Variants in SCAPER observed in about 807,000 individuals in gnomAD.
SCAPER encodes S-phase cyclin A associated protein in the ER.
A neutral mutation model predicts 182.2 loss-of-function variants in SCAPER; 98 were observed. The ratio of observed to expected loss-of-function variants is 0.54; its 90% CI spans 0.46 to 0.64. The LOEUF is 0.64. Among genes scored for constraint, SCAPER ranks in the 30% least tolerant of loss-of-function variants. The pLI is 0.00. For synonymous variants in SCAPER, 605 were observed against 564.6 expected (o/e 1.07, Z -1.01); for missense variants, 1,432 against 1,690.0 (o/e 0.85, Z 2.68).
At chr15:76,463,518 A>G (rs2049351952) in intron 25 of SCAPER, among the ~76,000 whole-genome samples, 1 of 152,154 alleles carries the variant, frequency 6.6e-6, no homozygotes. Flanking sequence ...AGGTTAGTAC[A>G]TCACTTTTCA....
chr15:76,644,975 A>G (rs2054420985), intron 21 of SCAPER, among the ~76,000 whole-genome samples: 1 of 152,048 alleles, frequency 6.6e-6, no homozygotes, highest in South Asian at 2.1e-4. Flanking sequence ...GTATCCACAC[A>G]GTCAACCAAC....
intron 22 of SCAPER, among the ~76,000 whole-genome samples, chr15:76,579,775 G>C (rs2048132829): frequency 6.6e-6 from 1 of 151,942 alleles, no homozygotes; most frequent in Non-Finnish European, 1.5e-5. Context: ...TTGCCTACAA[G>C]AAACAAATTT....
chr15:76,860,904 A>C (rs149633083), intron 3 of SCAPER, among the ~76,000 whole-genome samples: 2 of 152,340 alleles, frequency 1.3e-5, no homozygotes, highest in Non-Finnish European at 2.9e-5. Context: ...TGTAAGGAAC[A>C]GGAGCCAAGT....
At chr15:76,657,854 A>G (rs2055799402) in intron 21 of SCAPER, among the ~76,000 whole-genome samples, 1 of 152,240 alleles carries the variant, frequency 6.6e-6, no homozygotes, top group African/African-American at 2.4e-5. Context: ...GGCTTTCAAT[A>G]AAATTCAACA....
At chr15:76,867,971 A>C (rs555815811) in intron 2 of SCAPER, among the ~76,000 whole-genome samples, 1 of 152,124 alleles carries the variant, frequency 6.6e-6, no homozygotes, top group East Asian at 1.9e-4. Context: ...TCTCTCCCTC[A>C]ATTCCCCACT....
At chr15:76,371,858 T>G (rs58684938) in intron 29 of SCAPER, among the ~76,000 whole-genome samples, 60,335 of 151,350 alleles carry the variant, frequency 0.4, 14,236 homozygotes, top group Middle Eastern at 0.56. Context: ...GCGGAGGTTG[T>G]GGTGAGCCAA....
chr15:76,532,038 A>T (rs191335800), intron 23 of SCAPER, among the ~76,000 whole-genome samples: 1 of 152,308 alleles, frequency 6.6e-6, no homozygotes, highest in East Asian at 1.9e-4. Context: ...AATATTTTAA[A>T]ATAGTAGACT....
At chr15:76,406,561 T>C (rs1327358290) in intron 26 of SCAPER, among the ~76,000 whole-genome samples, 3 of 151,644 alleles carry the variant, frequency 2.0e-5, no homozygotes, top group Non-Finnish European at 2.9e-5. Context: ...GGCAGGAGGA[T>C]TGCTTGAGCC....
chr15:76,722,772 TA>T (rs1354456543), intron 17 of SCAPER, among the ~76,000 whole-genome samples: 1 of 152,202 alleles, frequency 6.6e-6, no homozygotes, highest in Admixed American at 6.5e-5. Context: ...TCGGTGGTGA[TA>T]TCTCCTTTGT....
intron 24 of SCAPER, among the ~76,000 whole-genome samples, chr15:76,480,779 G>A (rs1313428764): frequency 2.6e-5 from 4 of 152,146 alleles, no homozygotes; most frequent in Middle Eastern, 3.4e-3. Flanking sequence ...CACCCAGGCT[G>A]GAGTGCAGTG....
intron 21 of SCAPER, among the ~76,000 whole-genome samples, chr15:76,639,911 T>A (rs1383392226): frequency 6.6e-6 from 1 of 152,194 alleles, no homozygotes; most frequent in East Asian, 1.9e-4. Flanking sequence ...TTGTATTGAC[T>A]CATCCTTTAA....
intron 26 of SCAPER, among the ~76,000 whole-genome samples, chr15:76,428,599 G>A (rs1262664098): frequency 6.6e-6 from 1 of 151,908 alleles, no homozygotes; most frequent in Non-Finnish European, 1.5e-5. Context: ...GTATCCAGAA[G>A]CAGAGAGTAC....
At chr15:76,662,495 T>G (rs2056271046) in intron 21 of SCAPER, among the ~76,000 whole-genome samples, 1 of 152,162 alleles carries the variant, frequency 6.6e-6, no homozygotes, top group African/African-American at 2.4e-5. Flanking sequence ...ATTTGAAGAC[T>G]TTCTACAAAG....
At position 76,701,981 on chromosome 15, in the gene SCAPER, TA is replaced by T. The variant is rs544790581; in HGVS notation, c.2401-117del. 102 of 594,470 alleles carry T rather than the reference TA, an allele frequency of 1.7e-4. No individual in the cohort carries two copies. The South Asian group carries it at 2.5e-3, about 14-fold the overall frequency. The allele number at this position is 594,470 out of a possible 1,614,324, so 36.8% of individuals were successfully genotyped here. On this transcript the variant is annotated intron_variant, in intron 19 of 31. Transcript: ENST00000563290. ...TGAGATCCACCTAGTATTTACATATTAGTCTTAAAAATAGTTTCCTCAGAAC... is the reference window on the plus strand; with the variant it reads ...TGAGATCCACCTAGTATTTACATATTGTCTTAAAAATAGTTTCCTCAGAAC...
chr15:76,707,647 C>G (rs2150836380), intron 17 of SCAPER, among the ~76,000 whole-genome samples: 1 of 152,184 alleles, frequency 6.6e-6, no homozygotes, highest in Admixed American at 6.5e-5. Context: ...ATACACAGTT[C>G]AACTTATATT....
At chr15:76,392,992 C>T (rs1014052070) in intron 27 of SCAPER, among the ~76,000 whole-genome samples, 9 of 152,212 alleles carry the variant, frequency 5.9e-5, no homozygotes, top group Non-Finnish European at 1.2e-4. Flanking sequence ...AGCTGGGGCC[C>T]AGCCAGTTCC....
chr15:76,786,095 T>C (rs937133944), intron 8 of SCAPER, among the ~76,000 whole-genome samples: 3 of 151,798 alleles, frequency 2.0e-5, no homozygotes, highest in Non-Finnish European at 4.4e-5. Context: ...TTGGGAGACC[T>C]AGGTGGGCGG....
At chr15:76,481,909 G>T (rs1001375953) in intron 24 of SCAPER, among the ~76,000 whole-genome samples, 4 of 152,118 alleles carry the variant, frequency 2.6e-5, no homozygotes, top group African/African-American at 9.7e-5. Flanking sequence ...CAATTTTGCT[G>T]CCTGCATATA....
In SCAPER at chr15:76,701,839, G is replaced by A. The variant is rs568095266; in HGVS notation, c.2427C>T (p.Ser809=). ...VLISSEVYLF[S]HVKGRKHQQA... ...GCTGGTGTTTTCTCCCTTTAACATG[G>A]CTAAAAAGATATACCTCTGAAGAGA... Residue 809 remains serine, a synonymous_variant, in exon 20 of 32, where the codon AGC becomes AGT. Coordinates refer to ENST00000563290, the MANE Select transcript of SCAPER (RefSeq NM_020843.4). 1 of 1,613,568 alleles carries A rather than the reference G, an allele frequency of 6.2e-7. No homozygotes were observed. Among genetic ancestry groups the A allele is most frequent in the African/African-American group, 1.3e-5 (1 of 74,972 alleles).
Sources: allele counts gnomAD v4.1 joint callset (sites outside exome capture counted in the v4.1 genomes callset), GRCh38; gene constraint gnomAD v4.1.1; transcripts MANE v1.5; gene names NCBI Gene and HGNC (gene_info 2026-07-23, HGNC 2026-07-21).